Variants in SMIM36 observed in about 807,000 individuals in gnomAD.
SMIM36 encodes the protein small integral membrane protein 36.
intron 3 of SMIM36, 79 bp downstream of exon 3, chr17:55,478,683 A>T (rs942826975): frequency 9.9e-5 from 15 of 152,202 alleles, no homozygotes; most frequent in African/African-American, 2.9e-4. Context: ...AAGGAAGCCT[A>T]ACATATAAAA....
chr17:55,497,325 C>T (rs12938855), intron 1 of SMIM36, among the ~76,000 whole-genome samples: 52,271 of 151,938 alleles, frequency 0.34, 10,501 homozygotes, highest in Non-Finnish European at 0.45. Context: ...AGTGCAATGG[C>T]GTGACCTTGG....
At chr17:55,527,115 G>A in the SMIM36 span, 3 of 152,282 alleles carry the variant, frequency 2.0e-5, no homozygotes, top group Admixed American at 6.5e-5. Context: ...GGGGTGTTTT[G>A]TAGAAACAGA....
At chr17:55,480,785 G>T (rs988958549) in intron 1 of SMIM36, among the ~76,000 whole-genome samples, 1 of 152,134 alleles carries the variant, frequency 6.6e-6, no homozygotes, top group Non-Finnish European at 1.5e-5. Flanking sequence ...AGAGACAATG[G>T]TTGCTCTTTG....
the SMIM36 span, among the ~76,000 whole-genome samples, chr17:55,517,413 T>G: frequency 6.6e-6 from 1 of 152,186 alleles, no homozygotes; most frequent in Non-Finnish European, 1.5e-5. Context: ...TAGCCAGGCA[T>G]GGTGCTGCAC....
chr17:55,522,989 A>G, the SMIM36 span, among the ~76,000 whole-genome samples: 1 of 152,140 alleles, frequency 6.6e-6, no homozygotes, highest in Non-Finnish European at 1.5e-5. Flanking sequence ...TAATGGTGAT[A>G]AAAAAAGATC....
chr17:55,458,728 T>G (rs1598446752), intron 4 of SMIM36, among the ~76,000 whole-genome samples: 1 of 151,926 alleles, frequency 6.6e-6, no homozygotes, highest in Non-Finnish European at 1.5e-5. Flanking sequence ...CAGTGGAGTC[T>G]GGCCAGGGCA....
the SMIM36 span, among the ~76,000 whole-genome samples, chr17:55,521,952 C>T: frequency 6.6e-6 from 1 of 151,550 alleles, no homozygotes; most frequent in Non-Finnish European, 1.5e-5. Flanking sequence ...CTCACTTAGT[C>T]TATTTTCAAC....
At chr17:55,451,439 C>G (rs544288220) in intron 4 of SMIM36, among the ~76,000 whole-genome samples, 1 of 152,320 alleles carries the variant, frequency 6.6e-6, no homozygotes, top group Admixed American at 6.5e-5. Flanking sequence ...CTTCCTGTGG[C>G]TGACTTATGT....
chr17:55,449,996 T>C (rs560864701), exon 5 of SMIM36: 1 of 152,354 alleles, frequency 6.6e-6, no homozygotes, highest in East Asian at 1.9e-4. Flanking sequence ...TGTTGTAAAA[T>C]ATTGAACATG....
chr17:55,527,430 A>G, the SMIM36 span, among the ~76,000 whole-genome samples: 2 of 152,148 alleles, frequency 1.3e-5, no homozygotes, highest in East Asian at 1.9e-4. Context: ...AGGAGGGACT[A>G]AGAACATTTG....
chr17:55,458,564 A>G (rs1199756909), intron 4 of SMIM36: 1 of 73,086 alleles, frequency 1.4e-5, no homozygotes, highest in Non-Finnish European at 2.8e-5. Flanking sequence ...ACCGTTCTCC[A>G]CCCCCACCCC....
intron 1 of SMIM36, among the ~76,000 whole-genome samples, chr17:55,490,243 A>G (rs1909679818): frequency 6.6e-6 from 1 of 152,100 alleles, no homozygotes; most frequent in African/African-American, 2.4e-5. Flanking sequence ...GGGTGGAAAA[A>G]TCACTAGAAG....
intron 4 of SMIM36, among the ~76,000 whole-genome samples, chr17:55,465,266 G>C (rs1291131077): frequency 2.0e-5 from 3 of 152,174 alleles, no homozygotes; most frequent in African/African-American, 7.2e-5. Context: ...TCAGACCCAA[G>C]TTCTGACACT....
At chr17:55,509,584 C>T (rs957842678) in intron 1 of SMIM36, among the ~76,000 whole-genome samples, 2 of 152,160 alleles carry the variant, frequency 1.3e-5, no homozygotes, top group African/African-American at 4.8e-5. Context: ...TCTTATCTTT[C>T]ATTGTCTAAG....
At chr17:55,498,393 C>T (rs1395267635) in intron 1 of SMIM36, among the ~76,000 whole-genome samples, 1 of 152,096 alleles carries the variant, frequency 6.6e-6, no homozygotes, top group Admixed American at 6.6e-5. Context: ...ACCTTTCATG[C>T]CCCTTCCCCT....
chr17:55,455,116 G>A (rs1360629397), intron 4 of SMIM36, among the ~76,000 whole-genome samples: 1 of 152,160 alleles, frequency 6.6e-6, no homozygotes, highest in Non-Finnish European at 1.5e-5. Context: ...ATTTCCCTCT[G>A]GAGAGGTTGT....
intron 4 of SMIM36, among the ~76,000 whole-genome samples, chr17:55,465,469 G>A (rs1909219101): frequency 6.6e-6 from 1 of 152,094 alleles, no homozygotes; most frequent in African/African-American, 2.4e-5. Flanking sequence ...GTTGGGGTGT[G>A]GTGTGTATGG....
At chr17:55,512,857 G>A (rs1421395613), upstream of SMIM36, among the ~76,000 whole-genome samples, 1 of 152,180 alleles carries the variant, frequency 6.6e-6, no homozygotes, top group Non-Finnish European at 1.5e-5. Context: ...GTTCCCAAAG[G>A]TCTGCTGGTT....
At chr17:55,502,463 C>A (rs1346398502) in intron 1 of SMIM36, among the ~76,000 whole-genome samples, 3 of 106,552 alleles carry the variant, frequency 2.8e-5, no homozygotes, top group Non-Finnish European at 5.5e-5. Context: ...AGCAGGGGCA[C>A]ACTGACACCT....
Sources: gnomAD v4.1 joint callset for allele counts (sites outside exome capture counted in the v4.1 genomes callset) on GRCh38, gnomAD v4.1.1 for gene constraint, MANE v1.5 for transcripts, NCBI Gene and HGNC (gene_info 2026-07-23, HGNC 2026-07-21) for gene names.